The following UBE2W variants were observed in gnomAD, a reference collection of about 807,000 sequenced individuals.
UBE2W encodes ubiquitin-conjugating enzyme E2 W.
Under a neutral mutation model 27.2 loss-of-function variants are expected in UBE2W, and 18 were observed. That is an observed-to-expected ratio of 0.66 (90% CI 0.46 to 0.98). UBE2W has a LOEUF of 0.98. Ranked by LOEUF, UBE2W falls within the 50% of genes least tolerant of loss-of-function variation. The probability of loss-of-function intolerance (pLI) is 0.00; values close to 1 mark genes in which losing one functional copy is unlikely to be tolerated. For missense variants in UBE2W, 90 were observed against 180.2 expected (o/e 0.50, Z 2.87); for synonymous variants, 53 against 57.2 (o/e 0.93, Z 0.33).
rs1248251583 is a variant in UBE2W, at chr8:73,805,466, AAAAAAC to A, written c.442+179_442+184del. On this transcript the variant is annotated intron_variant, in intron 5 of 5. Transcript: ENST00000602593. ...CAAAACTCCATCTCAAAAAAAAAAA[AAAAAAC>A]AAAAAAAACTAGGGTAATTCATCCA... Among the ~76,000 whole-genome samples the A allele has an allele frequency of 7.2e-5, 9 of 124,164 alleles. 1 individual carries two copies. Among genetic ancestry groups the A allele is most frequent in the South Asian group, 2.4e-4 (1 of 4,202 alleles). 81.5% of individuals were successfully genotyped at this position (124,164 alleles called of 152,430 possible). A position where few individuals can be genotyped will look rare whatever the true frequency, so the allele number is the denominator to read the frequency against.
chr8:73,813,813 T>C (rs1483261490), intron 3 of UBE2W, among the ~76,000 whole-genome samples: 1 of 151,660 alleles, frequency 6.6e-6, no homozygotes, highest in Admixed American at 6.6e-5. Flanking sequence ...AGTGCAATGG[T>C]ACGACCTTGG....
Position 73,814,758 on chromosome 8 carries a change from G to C in UBE2W, c.211-4129C>G, listed in dbSNP as rs187718494. On this transcript the variant is annotated intron_variant, in intron 3 of 5. Coordinates refer to ENST00000602593, the MANE Select transcript of UBE2W (RefSeq NM_018299.6). ...ACTGGTCTCAAACTCCTGACCTTGT[G>C]ATCCGCCCGCCTCGGCTTCCCAGAG... Among the ~76,000 whole-genome samples, 1,017 of 152,306 alleles carry C rather than the reference G, an allele frequency of 6.7e-3. 18 individuals are homozygous for C. Among genetic ancestry groups the C allele is most frequent in the African/African-American group, 0.023 (959 of 41,580 alleles).
At chr8:73,851,277 G>A (rs540078936) in intron 1 of UBE2W, among the ~76,000 whole-genome samples, 1 of 152,122 alleles carries the variant, frequency 6.6e-6, no homozygotes, top group East Asian at 1.9e-4. Context: ...GCAGAGGCAG[G>A]TGTTTGTTAG....
In UBE2W at chr8:73,825,919, G is replaced by A. The variant is rs557166027; in HGVS notation, c.108-670C>T. On this transcript the variant is annotated intron_variant, in intron 2 of 5. Coordinates refer to ENST00000602593, the MANE Select transcript of UBE2W (RefSeq NM_018299.6). ...ACCATTTCTACAATGCTGATATTACGTATTCTATACATAACATCAAACAAA... is the reference window on the plus strand; with the variant it reads ...ACCATTTCTACAATGCTGATATTACATATTCTATACATAACATCAAACAAA... 7.2e-5 allele frequency among the ~76,000 whole-genome samples: 11 copies of A among 151,940 alleles called. No homozygotes were observed. In the East Asian group the frequency reaches 7.7e-4, roughly 11 times the overall value.
At chr8:73,877,590 A>T (rs1357520803) in intron 1 of UBE2W, among the ~76,000 whole-genome samples, 1 of 152,232 alleles carries the variant, frequency 6.6e-6, no homozygotes, top group Non-Finnish European at 1.5e-5. Context: ...AGAAAAAAAA[A>T]TGGAGGAGGA....
At chr8:73,813,387 A>C (rs901766046) in intron 3 of UBE2W, among the ~76,000 whole-genome samples, 16 of 152,252 alleles carry the variant, frequency 1.1e-4, no homozygotes, top group African/African-American at 3.6e-4. Flanking sequence ...CTGTAAGCAA[A>C]GAGAACCAGT....
intron 1 of UBE2W, among the ~76,000 whole-genome samples, chr8:73,857,739 C>T (rs987401066): frequency 2.0e-5 from 3 of 152,006 alleles, no homozygotes; most frequent in Non-Finnish European, 4.4e-5. Context: ...CTGCTTGAAC[C>T]CGGGAGGTGG....
In UBE2W at chr8:73,793,483, A is replaced by G; in HGVS notation, c.*619T>C. 1.0e-6 allele frequency: 1 copy of G among 985,890 alleles called. No homozygotes were observed. Among genetic ancestry groups the G allele is most frequent in the Non-Finnish European group, 1.2e-6 (1 of 829,932 alleles). The allele number at this position is 985,890 out of a possible 1,614,324, so 61.1% of individuals were successfully genotyped here. On this transcript the variant is annotated 3_prime_UTR_variant, in exon 6 of 6. Coordinates refer to ENST00000602593, the MANE Select transcript of UBE2W (RefSeq NM_018299.6). ...ATCTTCCATGTCAAAACAACTTGAC[A>G]GTAGATATAAACAATTCAATAAATA... is the stretch of plus-strand genomic sequence containing the variant.
chr8:73,800,229 G>T (rs927962577), intron 5 of UBE2W, among the ~76,000 whole-genome samples: 8 of 152,200 alleles, frequency 5.3e-5, no homozygotes, highest in Non-Finnish European at 7.4e-5. Context: ...TTGGATGACA[G>T]AACAGCTGCT....
intron 5 of UBE2W, among the ~76,000 whole-genome samples, chr8:73,794,448 T>C (rs1006337941): frequency 8.5e-5 from 13 of 152,206 alleles, no homozygotes; most frequent in African/African-American, 2.9e-4. Flanking sequence ...CAAGTTCACA[T>C]TGTAATGAGA....
At chr8:73,808,399 T>A (rs949999476) in intron 4 of UBE2W, among the ~76,000 whole-genome samples, 2 of 152,206 alleles carry the variant, frequency 1.3e-5, no homozygotes, top group African/African-American at 4.8e-5. Context: ...CACGCCCAGC[T>A]AATTTTTCTA....
At chr8:73,838,135 C>T (rs1291778282) in intron 1 of UBE2W, among the ~76,000 whole-genome samples, 1 of 152,118 alleles carries the variant, frequency 6.6e-6, no homozygotes, top group African/African-American at 2.4e-5. Context: ...CATCTAAATA[C>T]CAATAATGGT....
chr8:73,860,414 T>C (rs1811492310), intron 1 of UBE2W, among the ~76,000 whole-genome samples: 1 of 152,186 alleles, frequency 6.6e-6, no homozygotes, highest in Non-Finnish European at 1.5e-5. Flanking sequence ...CTGGCCTATT[T>C]TGAAAACAGT....
chr8:73,805,807 T>G (rs1808879164), intron 4 of UBE2W, 81 bp from the exon 5 acceptor site: 1 of 711,402 alleles, frequency 1.4e-6, no homozygotes. Context: ...TTAAGAAAAA[T>G]TAACAGAATG....
intron 1 of UBE2W, chr8:73,870,391 AG>A (rs1469319313): frequency 1.7e-5 from 21 of 1,252,508 alleles, no homozygotes; most frequent in South Asian, 4.4e-5. Flanking sequence ...ACTAGAAATC[AG>A]AAAAAAAAAA....
chr8:73,871,693 T>G (rs1188469428), intron 1 of UBE2W, among the ~76,000 whole-genome samples: 1 of 152,318 alleles, frequency 6.6e-6, no homozygotes, highest in African/African-American at 2.4e-5. Context: ...CAGATACTAC[T>G]CATAATGAAG....
At chr8:73,835,530 G>A (rs1810272625) in intron 1 of UBE2W, among the ~76,000 whole-genome samples, 2 of 152,160 alleles carry the variant, frequency 1.3e-5, no homozygotes, top group African/African-American at 4.8e-5. Context: ...ATCACCTGAG[G>A]TCAGGAATTC....
At chr8:73,878,230 C>T (rs923106502) in intron 1 of UBE2W, among the ~76,000 whole-genome samples, 1 of 152,180 alleles carries the variant, frequency 6.6e-6, no homozygotes, top group African/African-American at 2.4e-5. Context: ...AAGATACCCA[C>T]GGGCACAGGA....
In UBE2W at chr8:73,786,269, G is replaced by GA; in HGVS notation, c.*7832dup. 1 of 985,438 alleles carries GA rather than the reference G, an allele frequency of 1.0e-6. No homozygotes were observed. Among genetic ancestry groups the GA allele is most frequent in the Non-Finnish European group, 1.2e-6 (1 of 829,926 alleles). The allele number at this position is 985,438 out of a possible 1,614,324, so 61.0% of individuals were successfully genotyped here. ...AAAGTAGTTTTCTCAAACTCTCTGG[G>GA]ATAGAAAGAGCAGGGTCCTGTTATA... On this transcript the variant is annotated 3_prime_UTR_variant, in exon 6 of 6. Coordinates refer to ENST00000602593, the MANE Select transcript of UBE2W (RefSeq NM_018299.6).
Sources: gnomAD v4.1 joint callset for allele counts (sites outside exome capture counted in the v4.1 genomes callset) on GRCh38, gnomAD v4.1.1 for gene constraint, MANE v1.5 for transcripts, NCBI Gene and HGNC (gene_info 2026-07-23, HGNC 2026-07-21) for gene names.